NTN1: variants seen among roughly 807,000 people sequenced by gnomAD.
NTN1 encodes the protein netrin 1, also known as netrin-1.
NTN1 carries 11 observed loss-of-function variants against 54.2 expected under a neutral mutation model. The ratio of observed to expected loss-of-function variants is 0.20; its 90% confidence interval spans 0.13 to 0.34. The LOEUF (loss-of-function observed/expected upper bound fraction) is 0.34, where lower values mean the gene tolerates loss of function less well. Ranked by LOEUF, NTN1 falls within the 10% of genes least tolerant of loss-of-function variation. NTN1 has a pLI of 1.00. For synonymous variants in NTN1, 371 were observed against 382.0 expected (o/e 0.97, Z 0.33); for missense variants, 740 against 893.1 (o/e 0.83, Z 2.18).
chr17:9,204,355 G>A (rs1043022675), intron 5 of NTN1, among the ~76,000 whole-genome samples: 9 of 150,948 alleles, frequency 6.0e-5, no homozygotes, highest in Middle Eastern at 3.2e-3. Flanking sequence ...GTGCAGTGGC[G>A]CCATGTCAGC....
intron 2 of NTN1, among the ~76,000 whole-genome samples, chr17:9,127,071 C>CGGGGG (rs5819215): frequency 1.2e-5 from 1 of 81,894 alleles, no homozygotes; most frequent in Non-Finnish European, 2.5e-5. Flanking sequence ...GTGGTAGGGC[C>CGGGGG]GGGGGGGGGC....
chr17:9,234,115 T>C (rs777777472), intron 6 of NTN1, among the ~76,000 whole-genome samples: 2 of 152,144 alleles, frequency 1.3e-5, no homozygotes, highest in African/African-American at 2.4e-5. Flanking sequence ...CAGAGCCCCA[T>C]GTGGGCGTCT....
At chr17:9,153,696 C>T (rs1377362921) in intron 2 of NTN1, among the ~76,000 whole-genome samples, 1 of 152,212 alleles carries the variant, frequency 6.6e-6, no homozygotes, top group Admixed American at 6.5e-5. Context: ...CTGGGCACTT[C>T]CAAGGTCTCC....
At chr17:9,213,507 G>A (rs981759927) in intron 5 of NTN1, among the ~76,000 whole-genome samples, 5 of 152,232 alleles carry the variant, frequency 3.3e-5, no homozygotes, top group African/African-American at 1.2e-4. Context: ...GTGGTGGTAG[G>A]ATGGGAAACT....
At chr17:9,179,148 G>C (rs1292827703) in intron 3 of NTN1, 1 of 152,174 alleles carries the variant, frequency 6.6e-6, no homozygotes, top group Non-Finnish European at 1.5e-5. Context: ...TCCCGTCTTT[G>C]TTTGCACATT....
At chr17:9,238,320 G>C (rs1465390032) in intron 6 of NTN1, among the ~76,000 whole-genome samples, 1 of 152,208 alleles carries the variant, frequency 6.6e-6, no homozygotes, top group Non-Finnish European at 1.5e-5. Flanking sequence ...CCTGTCTCAG[G>C]AGGGCTCAAG....
At chr17:9,010,237 G>A in the NTN1 span, among the ~76,000 whole-genome samples, 1 of 152,162 alleles carries the variant, frequency 6.6e-6, no homozygotes, top group African/African-American at 2.4e-5. Context: ...GAACTCCTGG[G>A]GTCCCTGCAG....
At chr17:9,159,589 C>A (rs1260785922) in intron 2 of NTN1, among the ~76,000 whole-genome samples, 1 of 152,068 alleles carries the variant, frequency 6.6e-6, no homozygotes, top group Non-Finnish European at 1.5e-5. Flanking sequence ...ATCACGAGGT[C>A]AGGAGTTTGA....
intron 6 of NTN1, among the ~76,000 whole-genome samples, chr17:9,234,644 G>A (rs1205896204): frequency 6.6e-6 from 1 of 152,228 alleles, no homozygotes; most frequent in Non-Finnish European, 1.5e-5. Flanking sequence ...GCCCTGAGCA[G>A]AGCCCCCTGG....
intron 2 of NTN1, among the ~76,000 whole-genome samples, chr17:9,111,077 A>G (rs1414677548): frequency 2.6e-5 from 4 of 151,638 alleles, no homozygotes; most frequent in Non-Finnish European, 1.5e-5. Context: ...TGGGAGGATT[A>G]CCGGCACACG....
intron 2 of NTN1, among the ~76,000 whole-genome samples, chr17:9,076,165 A>G (rs1024867445): frequency 2.0e-5 from 3 of 152,150 alleles, no homozygotes; most frequent in African/African-American, 7.2e-5. Context: ...TTTAAGCCTC[A>G]TGACAGCCAC....
chr17:9,119,906 T>C (rs1180040678), intron 2 of NTN1, among the ~76,000 whole-genome samples: 1 of 152,180 alleles, frequency 6.6e-6, no homozygotes, highest in Non-Finnish European at 1.5e-5. Context: ...TTCACAGGCT[T>C]CCTGGCTATT....
intron 5 of NTN1, among the ~76,000 whole-genome samples, chr17:9,205,288 A>C (rs955277553): frequency 6.6e-6 from 1 of 152,198 alleles, no homozygotes; most frequent in African/African-American, 2.4e-5. Flanking sequence ...AGAGGAAGCT[A>C]CACGGAGGTT....
chr17:9,138,670 G>A (rs1361922318), intron 2 of NTN1, among the ~76,000 whole-genome samples: 2 of 152,220 alleles, frequency 1.3e-5, no homozygotes, highest in Non-Finnish European at 2.9e-5. Flanking sequence ...TGAGGCAGGG[G>A]TGGGGCAGAC....
intron 2 of NTN1, among the ~76,000 whole-genome samples, chr17:9,141,999 C>T (rs533692674): frequency 5.9e-5 from 9 of 152,192 alleles, no homozygotes; most frequent in South Asian, 4.2e-4. Flanking sequence ...AATTAGCAGG[C>T]GCCTGTAATC....
At chr17:9,228,856 G>GTGTGAC (rs1411544498) in intron 6 of NTN1, among the ~76,000 whole-genome samples, 1 of 53,204 alleles carries the variant, frequency 1.9e-5, no homozygotes. Flanking sequence ...GTGTGTGACT[G>GTGTGAC]TGTATGAGAG....
At chr17:9,093,042 G>A (rs562520236) in intron 2 of NTN1, among the ~76,000 whole-genome samples, 12 of 152,320 alleles carry the variant, frequency 7.9e-5, no homozygotes, top group Admixed American at 5.9e-4. Flanking sequence ...ACAGGCGTGA[G>A]CCACTGCGCC....
At position 9,219,595 on chromosome 17, in the gene NTN1, C is replaced by T. The variant is rs1905286296; in HGVS notation, c.1412-1573C>T. ...GGCACCAGTCAATGTATCTCAGGAC[C>T]TCGATGGAGGCAGTGGCCTTCACAG... On this transcript the variant is annotated intron_variant, in intron 5 of 6. Coordinates refer to ENST00000173229, the MANE Select transcript of NTN1 (RefSeq NM_004822.3). This position sits in a 1 kb window ranked among gnomAD's most constrained non-coding sequence, Gnocchi z 4.5. Among the ~76,000 whole-genome samples, 1 of 152,206 alleles carries T rather than the reference C, an allele frequency of 6.6e-6. No homozygotes were observed. Among genetic ancestry groups the T allele is most frequent in the African/African-American group, 2.4e-5 (1 of 41,454 alleles).
chr17:9,135,984 C>G lies in NTN1; in HGVS notation c.1019-26829C>G, dbSNP rs1312799415. 6.6e-6 allele frequency among the ~76,000 whole-genome samples: 1 copy of G among 152,200 alleles called. No individual in the cohort carries two copies. The highest frequency in any genetic ancestry group is 2.4e-5 in the African/African-American group (1 of 41,452). ...TGCACGTGCCTACTCAAACTCGACA[C>G]CCATCCTCCTCACTCCCGCCTGGGA... is the stretch of plus-strand genomic sequence containing the variant. On this transcript the variant is annotated intron_variant, in intron 2 of 6. Coordinates refer to ENST00000173229, the MANE Select transcript of NTN1 (RefSeq NM_004822.3). This position sits in a 1 kb window ranked among gnomAD's most constrained non-coding sequence, Gnocchi z 4.4.
Sources: allele counts gnomAD v4.1 joint callset (sites outside exome capture counted in the v4.1 genomes callset), GRCh38; gene constraint gnomAD v4.1.1; non-coding constraint Gnocchi (gnomAD v3.1); transcripts MANE v1.5; gene names NCBI Gene and HGNC (gene_info 2026-07-23, HGNC 2026-07-21).